CEP164: variants seen among roughly 807,000 people sequenced by gnomAD.
CEP164 encodes the protein centrosomal protein 164, also known as centrosomal protein of 164 kDa.
In CEP164, 162 loss-of-function variants were observed where a neutral mutation model predicts 182.7. That is an observed-to-expected ratio of 0.89 (90% CI 0.78 to 1.01). CEP164 has a LOEUF of 1.01. Ranked by LOEUF, CEP164 falls within the 50% of genes least tolerant of loss-of-function variation. The pLI, the probability that CEP164 is intolerant of heterozygous loss-of-function variation, is 0.00. For synonymous variants in CEP164, 661 were observed against 690.0 expected (o/e 0.96, Z 0.66); for missense variants, 1,735 against 1,790.4 (o/e 0.97, Z 0.56).
chr11:117,388,996 T>C (rs1283476151), intron 15 of CEP164, among the ~76,000 whole-genome samples: 1 of 151,862 alleles, frequency 6.6e-6, no homozygotes, highest in Admixed American at 6.6e-5. Flanking sequence ...GGTCTCGATC[T>C]CCTGACCTGA....
In CEP164 at chr11:117,395,646, C is replaced by T; in HGVS notation, c.3013C>T (p.Gln1005Ter). ...QQLREILDEL[Q>*]ARKLKLESQV... ...GCTCCGAGAAATTCTTGATGAGCTG[C>T]AGGCCCGCAAGCTGAAGCTGGAGTC... Residue 1005 changes from glutamine to a stop codon, truncating the protein, a stop_gained, in exon 24 of 33, where the codon CAG becomes TAG. Transcript: ENST00000278935. LOFTEE classifies it high-confidence loss of function. 1 of 1,613,836 alleles carries T rather than the reference C, an allele frequency of 6.2e-7. No individual in the cohort carries two copies. The highest frequency in any genetic ancestry group is 8.5e-7 in the Non-Finnish European group (1 of 1,180,040).
intron 10 of CEP164, 29 bp from the exon 11 acceptor site, chr11:117,375,679 G>A: frequency 6.2e-7 from 1 of 1,608,666 alleles, no homozygotes; most frequent in Non-Finnish European, 8.5e-7. Context: ...CAGAGGCAGA[G>A]TTGACCTTTG....
In CEP164 at chr11:117,404,026, A is replaced by C. The variant is rs2136721799; in HGVS notation, c.3502-3899A>C. 2.6e-5 allele frequency among the ~76,000 whole-genome samples: 4 copies of C among 151,880 alleles called. No individual in the cohort carries two copies. In the Middle Eastern group the frequency reaches 0.014, roughly 520 times the overall value. ...TCAGGTCATTTATGTTCTTCTCTAA[A>C]CTGGTTATTCTAGTTAGCAATTCCT... On this transcript the variant is annotated intron_variant, in intron 27 of 32. Transcript: ENST00000278935.
At chr11:117,387,856 A>G (rs1361808912) in intron 15 of CEP164, among the ~76,000 whole-genome samples, 1 of 152,264 alleles carries the variant, frequency 6.6e-6, no homozygotes, top group African/African-American at 2.4e-5. Flanking sequence ...CTAGCAAAGT[A>G]TATATAAAAC....
At chr11:117,392,376 G>T (rs2044771945) in intron 18 of CEP164, 73 bp downstream of exon 18, 1 of 1,567,066 alleles carries the variant, frequency 6.4e-7, no homozygotes, top group Non-Finnish European at 8.7e-7. Context: ...CTACTAGGCA[G>T]CGAGCCTCTC....
In CEP164 at chr11:117,366,794, G is replaced by A. The variant is rs2041683691; in HGVS notation, c.765+3288G>A. ...ATAGGTTCAGCTCCTTATCCTTCAT[G>A]CCCTGTCCCCTGTGCTGTGTGGATT... is the stretch of plus-strand genomic sequence containing the variant. On this transcript the variant is annotated intron_variant, in intron 8 of 32. Transcript: ENST00000278935. Among the ~76,000 whole-genome samples, 3 of 152,264 alleles carry A rather than the reference G, an allele frequency of 2.0e-5. No individual in the cohort carries two copies. The South Asian group carries it at 6.2e-4, about 32-fold the overall frequency.
At position 117,360,370 on chromosome 11, in the gene CEP164, G is replaced by GTGT. The variant is rs559945669; in HGVS notation, c.394-1462_394-1460dup. Among the ~76,000 whole-genome samples the GTGT allele has an allele frequency of 1.4e-4, 22 of 152,194 alleles. 2 individuals are homozygous for GTGT. In the South Asian group the frequency reaches 4.6e-3, roughly 32 times the overall value. ...TTTTTTGTAGAGACAGTGTCTCACT[G>GTGT]TGTTGCCTAGGCTGGTCTGAGATAG... On this transcript the variant is annotated intron_variant, in intron 5 of 32. Coordinates refer to ENST00000278935, the MANE Select transcript of CEP164 (RefSeq NM_014956.5).
chr11:117,324,772 T>C (rs1158408216), upstream of CEP164, among the ~76,000 whole-genome samples: 4 of 151,718 alleles, frequency 2.6e-5, no homozygotes, highest in Admixed American at 2.6e-4. Context: ...AAGGCCGAGG[T>C]GGGTGGATCA....
chr11:117,358,176 G>A (rs560789), intron 5 of CEP164, among the ~76,000 whole-genome samples: 144,873 of 152,292 alleles, frequency 0.95, 69,054 homozygotes, highest in Non-Finnish European at 0.97. Flanking sequence ...AATTAGCCCA[G>A]TGGCAGTAAG....
At chr11:117,408,489 C>G in intron 28 of CEP164, 1 of 246,748 alleles carries the variant, frequency 4.1e-6, no homozygotes, top group Non-Finnish European at 8.0e-6. Context: ...TGGTGGGGGT[C>G]TGTGTGGACC....
Position 117,409,868 on chromosome 11 carries a change from A to C in CEP164, c.3999A>C (p.Gln1333His), listed in dbSNP as rs201718007. 2 of 1,605,548 alleles carry C rather than the reference A, an allele frequency of 1.2e-6. No homozygotes were observed. The highest frequency in any genetic ancestry group is 1.7e-6 in the Non-Finnish European group (2 of 1,178,118). ...CATCTGCTACACCCACGTCCACCCA[A>C]TGGGCCTGGGATTCAGGGCAGGGGC... is the stretch of plus-strand genomic sequence containing the variant. ...ALSSATPTSTQWAWDSGQGPR... is the reference protein window; with the variant it reads ...ALSSATPTSTHWAWDSGQGPR... The change falls in exon 30 of 33, where the codon CAA (glutamine) becomes CAC (histidine). Residue 1333 changes from glutamine to histidine, a missense_variant. Transcript: ENST00000278935. This position sits in a 1 kb window ranked among gnomAD's most constrained non-coding sequence, Gnocchi z 4.4.
At chr11:117,384,239 G>A (rs571712025) in intron 14 of CEP164, among the ~76,000 whole-genome samples, 1 of 152,326 alleles carries the variant, frequency 6.6e-6, no homozygotes, top group Admixed American at 6.5e-5. Flanking sequence ...GCAAGTTCAT[G>A]CACACATTAC....
chr11:117,350,254 G>A (rs1250852164), intron 4 of CEP164, among the ~76,000 whole-genome samples: 1 of 151,906 alleles, frequency 6.6e-6, no homozygotes, highest in East Asian at 1.9e-4. Flanking sequence ...CCAGGCTGGA[G>A]TGCAGTGGTG....
chr11:117,348,211 A>T (rs578244925), intron 4 of CEP164, among the ~76,000 whole-genome samples: 1 of 152,048 alleles, frequency 6.6e-6, no homozygotes, highest in Admixed American at 6.6e-5. Flanking sequence ...AGCTCAAGCA[A>T]TTTGCCTGCC....
rs1348578720 is a variant in CEP164 at position 117,394,223 on chromosome 11, C to G, written c.2617-127C>G. On this transcript the variant is annotated intron_variant, in intron 20 of 32. Coordinates refer to ENST00000278935, the MANE Select transcript of CEP164 (RefSeq NM_014956.5). This position sits in a 1 kb window ranked among gnomAD's most constrained non-coding sequence, Gnocchi z 4.0. ...TTGTAACCCTCCTCTTCTCCAAGAG[C>G]TGGCTTTAGGGAGCCGATGGTGTCC... 1.1e-5 allele frequency: 14 copies of G among 1,269,632 alleles called. No homozygotes were observed. Among genetic ancestry groups the G allele is most frequent in the African/African-American group, 3.0e-5 (2 of 66,954 alleles). 78.6% of individuals were successfully genotyped at this position (1,269,632 alleles called of 1,614,324 possible). A position where few individuals can be genotyped will look rare whatever the true frequency, so the allele number is the denominator to read the frequency against.
chr11:117,391,773 C>G (rs999104609), intron 17 of CEP164, among the ~76,000 whole-genome samples: 1 of 152,216 alleles, frequency 6.6e-6, no homozygotes, highest in African/African-American at 2.4e-5. Context: ...CACAGTCTCT[C>G]TGAGCACTTG....
At chr11:117,324,465 G>A (rs1048735178), upstream of CEP164, among the ~76,000 whole-genome samples, 1 of 151,642 alleles carries the variant, frequency 6.6e-6, no homozygotes, top group Admixed American at 6.6e-5. Flanking sequence ...AAATTTGTGT[G>A]TCATTTTTGT....
chr11:117,374,518 A>G (rs996174316), intron 10 of CEP164, among the ~76,000 whole-genome samples: 5 of 152,130 alleles, frequency 3.3e-5, no homozygotes, highest in Admixed American at 2.0e-4. Flanking sequence ...GGTGCAGAAG[A>G]ATTAGGAAGC....
chr11:117,341,161 G>A (rs2038055448), intron 3 of CEP164, among the ~76,000 whole-genome samples: 1 of 152,086 alleles, frequency 6.6e-6, no homozygotes, highest in Non-Finnish European at 1.5e-5. Flanking sequence ...GTATACATTT[G>A]GTTGCTGTTG....
Sources: allele counts gnomAD v4.1 joint callset (sites outside exome capture counted in the v4.1 genomes callset), GRCh38; gene constraint gnomAD v4.1.1; non-coding constraint Gnocchi (gnomAD v3.1); transcripts MANE v1.5; gene names NCBI Gene and HGNC (gene_info 2026-07-23, HGNC 2026-07-21).